The following OPCML variants were observed in gnomAD, a reference collection of about 807,000 sequenced individuals.
The protein encoded by OPCML is opioid binding protein/cell adhesion molecule like, also known as opioid-binding protein/cell adhesion molecule.
A neutral mutation model predicts 37.8 loss-of-function variants in OPCML; 13 were observed. The ratio of observed to expected loss-of-function variants is 0.34; its 90% CI spans 0.22 to 0.55. The LOEUF is 0.55. Ranked by LOEUF, OPCML falls within the 20% of genes least tolerant of loss-of-function variation. The probability of loss-of-function intolerance (pLI) is 0.91; values close to 1 mark genes in which losing one functional copy is unlikely to be tolerated. For synonymous variants in OPCML, 176 were observed against 168.8 expected, an observed-to-expected ratio of 1.04 and a Z score of -0.33; for missense variants, 341 against 435.6, an observed-to-expected ratio of 0.78 and a Z score of 1.93.
At chr11:133,350,928 C>G (rs552141080) in intron 1 of OPCML, among the ~76,000 whole-genome samples, 3 of 152,246 alleles carry the variant, frequency 2.0e-5, no homozygotes, top group Admixed American at 2.0e-4. Context: ...AGTTGGACGG[C>G]AGGCCAATGC....
intron 3 of OPCML, among the ~76,000 whole-genome samples, chr11:132,650,601 CA>C (rs555851145): frequency 1.1e-4 from 17 of 151,796 alleles, no homozygotes; most frequent in Admixed American, 4.6e-4. Flanking sequence ...CATACACACA[CA>C]AAAAAAACAC....
At position 132,943,085 on chromosome 11, in the gene OPCML, A is replaced by T. The variant is rs745448522; in HGVS notation, c.62-75T>A. On this transcript the variant is annotated intron_variant, in intron 1 of 7. Transcript: ENST00000524381. This position sits in a 1 kb window ranked among gnomAD's most constrained non-coding sequence, Gnocchi z 4.3. ...CCAGGGCAGGAACAGGTACCCACAG[A>T]CCCCCATTCTCGACAGCCACAACTT... 2 of 1,613,668 alleles carry T rather than the reference A, an allele frequency of 1.2e-6. No homozygotes were observed. The highest frequency in any genetic ancestry group is 4.5e-5 in the East Asian group (2 of 44,816).
intron 1 of OPCML, among the ~76,000 whole-genome samples, chr11:133,057,658 A>G (rs1020621893): frequency 6.6e-6 from 1 of 151,950 alleles, no homozygotes; most frequent in Non-Finnish European, 1.5e-5. Context: ...CCTTTTTTCA[A>G]AGGACAGAAA....
At chr11:133,455,299 C>A (rs1946652955) in intron 1 of OPCML, among the ~76,000 whole-genome samples, 1 of 152,164 alleles carries the variant, frequency 6.6e-6, no homozygotes, top group African/African-American at 2.4e-5. Context: ...AGTGTTAATT[C>A]TTTTATTCTT....
At chr11:132,684,128 G>A (rs886927061) in intron 2 of OPCML, among the ~76,000 whole-genome samples, 1 of 152,248 alleles carries the variant, frequency 6.6e-6, no homozygotes. Flanking sequence ...CTGATGAACT[G>A]AGAGATTAAA....
At chr11:132,820,261 A>G (rs1939903741) in intron 2 of OPCML, among the ~76,000 whole-genome samples, 1 of 152,168 alleles carries the variant, frequency 6.6e-6, no homozygotes, top group Non-Finnish European at 1.5e-5. Flanking sequence ...TATTACTATA[A>G]GATCTTACTA....
intron 4 of OPCML, among the ~76,000 whole-genome samples, chr11:132,501,517 C>A (rs1186527321): frequency 6.6e-6 from 1 of 152,138 alleles, no homozygotes; most frequent in Non-Finnish European, 1.5e-5. Context: ...ATTTGCTGAA[C>A]ATTTTTGCTT....
intron 1 of OPCML, among the ~76,000 whole-genome samples, chr11:133,076,062 C>T (rs1286458134): frequency 5.9e-5 from 9 of 152,046 alleles, no homozygotes; most frequent in African/African-American, 9.7e-5. Context: ...GCTGTATGTT[C>T]TTCCATAATT....
intron 1 of OPCML, among the ~76,000 whole-genome samples, chr11:133,123,894 G>C (rs1374761786): frequency 6.6e-6 from 1 of 152,098 alleles, no homozygotes; most frequent in East Asian, 1.9e-4. Flanking sequence ...ACCAGAAGGA[G>C]GAAGTGGGAT....
rs142338195 is a variant in OPCML at position 133,208,285 on chromosome 11, A to G, written c.62-265275T>C. Among the ~76,000 whole-genome samples, 76 of 152,324 alleles carry G rather than the reference A, an allele frequency of 5.0e-4. No individual in the cohort carries two copies. Among genetic ancestry groups the G allele is most frequent in the Middle Eastern group, 3.4e-3 (1 of 294 alleles). ...TGTTGTATTACCACGTATAAATACC[A>G]GTGAGTGAATGAATGCGGGACAGAA... On this transcript the variant is annotated intron_variant, in intron 1 of 7. Transcript: ENST00000524381. This position sits in a 1 kb window ranked among gnomAD's most constrained non-coding sequence, Gnocchi z 8.9.
intron 1 of OPCML, among the ~76,000 whole-genome samples, chr11:133,159,120 T>G (rs1950107773): frequency 6.6e-6 from 1 of 152,202 alleles, no homozygotes; most frequent in Admixed American, 6.5e-5. Flanking sequence ...ATAAGGTGGT[T>G]TGCTGATCCT....
chr11:132,791,193 G>A (rs993338100), intron 2 of OPCML, among the ~76,000 whole-genome samples: 2 of 152,156 alleles, frequency 1.3e-5, no homozygotes, highest in Non-Finnish European at 2.9e-5. Flanking sequence ...ACTCGTCCAC[G>A]ATCACACACT....
intron 3 of OPCML, among the ~76,000 whole-genome samples, chr11:132,590,729 C>A (rs1461582720): frequency 1.3e-5 from 2 of 152,104 alleles, no homozygotes; most frequent in Non-Finnish European, 2.9e-5. Context: ...ATGACACCAG[C>A]ATAAACAATA....
At chr11:132,616,089 G>C (rs953190501) in intron 3 of OPCML, among the ~76,000 whole-genome samples, 4 of 152,164 alleles carry the variant, frequency 2.6e-5, no homozygotes, top group Admixed American at 1.3e-4. Context: ...GGTCAACCTA[G>C]AATAATTCTA....
intron 1 of OPCML, among the ~76,000 whole-genome samples, chr11:133,135,708 A>G (rs941625659): frequency 6.6e-5 from 10 of 152,242 alleles, no homozygotes; most frequent in Non-Finnish European, 1.3e-4. Flanking sequence ...TGGAGTTAAC[A>G]TTCCCACTAG....
At chr11:132,895,270 C>T (rs940906524) in intron 2 of OPCML, among the ~76,000 whole-genome samples, 5 of 152,196 alleles carry the variant, frequency 3.3e-5, no homozygotes, top group African/African-American at 1.2e-4. Context: ...ATACCCTTAA[C>T]ATTTGTGCAG....
chr11:133,331,881 T>A (rs1287226873), intron 1 of OPCML, among the ~76,000 whole-genome samples: 3 of 152,040 alleles, frequency 2.0e-5, no homozygotes, highest in Non-Finnish European at 4.4e-5. Flanking sequence ...ATTAAAAAAA[T>A]TTCTTTTTGC....
At chr11:132,875,304 T>C (rs929351535) in intron 2 of OPCML, among the ~76,000 whole-genome samples, 3 of 152,132 alleles carry the variant, frequency 2.0e-5, no homozygotes, top group Admixed American at 2.0e-4. Context: ...TTCTGAGCCA[T>C]AGTTTTCTCT....
chr11:133,503,795 G>A (rs1947968042), intron 1 of OPCML, among the ~76,000 whole-genome samples: 1 of 152,132 alleles, frequency 6.6e-6, no homozygotes, highest in Non-Finnish European at 1.5e-5. Context: ...TTCAAAGCCT[G>A]GGCACTGAAG....
Sources: gnomAD v4.1 joint callset for allele counts (sites outside exome capture counted in the v4.1 genomes callset) on GRCh38, gnomAD v4.1.1 for gene constraint, Gnocchi (gnomAD v3.1) non-coding constraint, MANE v1.5 for transcripts, NCBI Gene and HGNC (gene_info 2026-07-23, HGNC 2026-07-21) for gene names.